The following DDAH1 variants were observed in gnomAD, a reference collection of about 807,000 sequenced individuals.
The protein encoded by DDAH1 is N(G),N(G)-dimethylarginine dimethylaminohydrolase 1.
In DDAH1, 19 loss-of-function variants were observed where a neutral mutation model predicts 28.8. The ratio of observed to expected loss-of-function variants is 0.66; its 90% CI spans 0.46 to 0.97. The LOEUF (loss-of-function observed/expected upper bound fraction) is 0.97. DDAH1 is among the 50% of genes least tolerant of loss of function. The probability of loss-of-function intolerance (pLI) is 0.00; values close to 1 mark genes in which losing one functional copy is unlikely to be tolerated. For missense variants in DDAH1, 326 were observed against 375.9 expected (o/e 0.87, Z 1.10); for synonymous variants, 153 against 154.4 (o/e 0.99, Z 0.07).
At chr1:85,482,833 A>G (rs1295685037) in intron 2 of DDAH1, among the ~76,000 whole-genome samples, 5 of 152,236 alleles carry the variant, frequency 3.3e-5, no homozygotes, top group Admixed American at 3.3e-4. Flanking sequence ...TTTGAAAATC[A>G]CAACAAAAAT....
At chr1:85,407,562 T>C (rs1263192078) in intron 1 of DDAH1, among the ~76,000 whole-genome samples, 3 of 152,222 alleles carry the variant, frequency 2.0e-5, no homozygotes, top group African/African-American at 7.2e-5. Flanking sequence ...TTCACCTAAT[T>C]AGACAATGGC....
chr1:85,525,046 A>G (rs1267290347), intron 1 of DDAH1, among the ~76,000 whole-genome samples: 1 of 143,912 alleles, frequency 6.9e-6, no homozygotes, highest in Non-Finnish European at 1.5e-5. Context: ...TGCTATAGAA[A>G]ATATAGTAGG....
At chr1:85,482,212 C>T (rs1656035090) in intron 2 of DDAH1, 1 of 152,154 alleles carries the variant, frequency 6.6e-6, no homozygotes, top group Admixed American at 6.5e-5. Flanking sequence ...TCAGTGATTA[C>T]CAACCATGTA....
chr1:85,325,647 A>G (rs1377909163), intron 4 of DDAH1, among the ~76,000 whole-genome samples: 4 of 152,090 alleles, frequency 2.6e-5, no homozygotes, highest in South Asian at 2.1e-4. Flanking sequence ...TGTTCTTCAA[A>G]TGATGAACTT....
At chr1:85,392,744 G>A (rs1651614100) in intron 1 of DDAH1, among the ~76,000 whole-genome samples, 1 of 143,824 alleles carries the variant, frequency 7.0e-6, no homozygotes, top group African/African-American at 2.6e-5. Flanking sequence ...AGTGAGCCGA[G>A]ATCGCGCCAC....
intron 1 of DDAH1, among the ~76,000 whole-genome samples, chr1:85,442,363 C>A (rs965940690): frequency 7.9e-5 from 12 of 152,194 alleles, no homozygotes; most frequent in Admixed American, 6.5e-4. Flanking sequence ...TGAACTCATC[C>A]TTTTTTATGG....
At chr1:85,540,824 G>C (rs568608192) in intron 1 of DDAH1, among the ~76,000 whole-genome samples, 7 of 152,046 alleles carry the variant, frequency 4.6e-5, no homozygotes, top group Non-Finnish European at 8.8e-5. Flanking sequence ...GCTGGGCGTG[G>C]TGGTGCATGC....
At chr1:85,416,007 CT>C (rs1557602594) in intron 1 of DDAH1, among the ~76,000 whole-genome samples, 1 of 151,894 alleles carries the variant, frequency 6.6e-6, no homozygotes, top group Non-Finnish European at 1.5e-5. Flanking sequence ...ATCATGAAAG[CT>C]TTAGAAAAGC....
At chr1:85,454,298 C>G (rs1654789271) in intron 1 of DDAH1, among the ~76,000 whole-genome samples, 1 of 152,218 alleles carries the variant, frequency 6.6e-6, no homozygotes, top group African/African-American at 2.4e-5. Flanking sequence ...GTTCCCCGAT[C>G]ACACCTACCA....
chr1:85,436,637 T>A (rs949357657), intron 1 of DDAH1, among the ~76,000 whole-genome samples: 16 of 152,188 alleles, frequency 1.1e-4, no homozygotes, highest in African/African-American at 3.9e-4. Flanking sequence ...GCTCAGCTTA[T>A]CTCTGGGCTT....
At chr1:85,439,001 C>T (rs185023739) in intron 1 of DDAH1, among the ~76,000 whole-genome samples, 38 of 152,266 alleles carry the variant, frequency 2.5e-4, no homozygotes, top group Admixed American at 5.9e-4. Context: ...ATCTTAGTCA[C>T]GGTATTTAAC....
Position 85,536,568 on chromosome 1 carries a change from G to A in DDAH1, c.-122-40287C>T, listed in dbSNP as rs574004010. Among the ~76,000 whole-genome samples, 11 of 151,842 alleles carry A rather than the reference G, an allele frequency of 7.2e-5. No individual in the cohort carries two copies. The East Asian group carries it at 2.1e-3, about 29-fold the overall frequency. On this transcript the variant is annotated intron_variant, in intron 1 of 6. Coordinates refer to the DDAH1 transcript ENST00000426972. ...TTCCTTCTCAAAACAAACAAACAAA[G>A]CAAAACAAACAAACAAATGAACAAA...
intron 1 of DDAH1, among the ~76,000 whole-genome samples, chr1:85,547,852 A>G (rs1197282100): frequency 1.3e-5 from 2 of 152,266 alleles, no homozygotes; most frequent in Admixed American, 1.3e-4. Context: ...TCTATAAAAA[A>G]TTAACTGCAA....
At chr1:85,365,568 A>C (rs1650029438) in intron 1 of DDAH1, among the ~76,000 whole-genome samples, 1 of 152,194 alleles carries the variant, frequency 6.6e-6, no homozygotes, top group Non-Finnish European at 1.5e-5. Context: ...GGTAGTCAAC[A>C]GTGTATTTTA....
intron 1 of DDAH1, among the ~76,000 whole-genome samples, chr1:85,430,751 G>A (rs898391263): frequency 1.3e-5 from 2 of 152,136 alleles, no homozygotes; most frequent in Non-Finnish European, 2.9e-5. Flanking sequence ...TGTATCCTGA[G>A]ACTTTGCTGA....
chr1:85,463,481 T>A (rs1423926236), intron 1 of DDAH1, among the ~76,000 whole-genome samples: 6 of 152,206 alleles, frequency 3.9e-5, no homozygotes, highest in Admixed American at 3.9e-4. Flanking sequence ...GAGTGGGACA[T>A]CTCACAGACT....
At chr1:85,500,835 A>G (rs1282295269) in intron 1 of DDAH1, among the ~76,000 whole-genome samples, 3 of 148,168 alleles carry the variant, frequency 2.0e-5, no homozygotes, top group African/African-American at 7.4e-5. Context: ...TTTTTCTTCT[A>G]TGGAATCTAT....
intron 1 of DDAH1, chr1:85,404,325 A>C: frequency 6.6e-7 from 1 of 1,514,514 alleles, no homozygotes; most frequent in Non-Finnish European, 8.8e-7. Flanking sequence ...ATTGCAGTTG[A>C]CAAAGCCTGA....
chr1:85,464,432 C>T lies in DDAH1; in HGVS notation c.303+311G>A. 7.1e-7 allele frequency: 1 copy of T among 1,412,638 alleles called. No homozygotes were observed. Among genetic ancestry groups the T allele is most frequent in the Non-Finnish European group, 9.4e-7 (1 of 1,058,290 alleles). The allele number at this position is 1,412,638 out of a possible 1,614,324, so 87.5% of individuals were successfully genotyped here. On this transcript the variant is annotated intron_variant, in intron 1 of 5. Transcript: ENST00000284031. This position sits in a 1 kb window ranked among gnomAD's most constrained non-coding sequence, Gnocchi z 4.4. ...TGGGAAACACTCAGAGTTGCACTGT[C>T]GTCGCTGCCGTTTAATTTTCACAAA...
Sources: gnomAD v4.1 joint callset for allele counts (sites outside exome capture counted in the v4.1 genomes callset) on GRCh38, gnomAD v4.1.1 for gene constraint, Gnocchi (gnomAD v3.1) non-coding constraint, MANE v1.5 for transcripts, NCBI Gene and HGNC (gene_info 2026-07-23, HGNC 2026-07-21) for gene names.